PRELID2: variants seen among roughly 807,000 people sequenced by gnomAD.
The protein encoded by PRELID2 is PRELI domain-containing protein 2.
Under a neutral mutation model 28.4 loss-of-function variants are expected in PRELID2, and 25 were observed. The observed-to-expected ratio is 0.88, with a 90% confidence interval of 0.64 to 1.23. PRELID2 has a LOEUF of 1.23. PRELID2 is among the 50% of genes most tolerant of loss of function. PRELID2 has a pLI of 0.00. For synonymous variants in PRELID2, 76 were observed against 71.6 expected (o/e 1.06, Z -0.31); for missense variants, 201 against 214.4 (o/e 0.94, Z 0.39).
rs79927776 is a variant in PRELID2 at position 145,662,804 on chromosome 5, G to A, written n.70+102127C>T. ...CAGCAAAAAGGCTCTTACGAGATGC[G>A]GCCCCTCACCCTTTGACTTCTCAGC... On this transcript the variant is annotated intron_variant and non_coding_transcript_variant, in intron 1 of 2. Coordinates refer to the PRELID2 transcript ENST00000510259. Among the ~76,000 whole-genome samples the A allele has an allele frequency of 7.1e-3, 1,073 of 151,968 alleles. 5 individuals carry two copies. The highest frequency in any genetic ancestry group is 0.061 in the Middle Eastern group (18 of 294).
At chr5:145,597,825 G>C (rs1275645628) in intron 1 of PRELID2, among the ~76,000 whole-genome samples, 1 of 152,154 alleles carries the variant, frequency 6.6e-6, no homozygotes. Context: ...TATTCATCCA[G>C]TAATTACTTT....
chr5:145,582,673 T>C (rs966378548), intron 1 of PRELID2, among the ~76,000 whole-genome samples: 7 of 152,032 alleles, frequency 4.6e-5, no homozygotes, highest in Admixed American at 3.3e-4. Flanking sequence ...AACACCTCTA[T>C]GCACAGAAAC....
chr5:145,345,285 GCT>G, the PRELID2 span, among the ~76,000 whole-genome samples: 2 of 151,792 alleles, frequency 1.3e-5, no homozygotes, highest in South Asian at 4.2e-4. Context: ...CTCTCTTCAA[GCT>G]CAAGAAAGTA....
the PRELID2 span, among the ~76,000 whole-genome samples, chr5:145,273,078 C>A: frequency 6.6e-6 from 1 of 152,034 alleles, no homozygotes; most frequent in Non-Finnish European, 1.5e-5. Flanking sequence ...TGGACAATAT[C>A]CTACATTATC....
At chr5:145,373,400 T>C in the PRELID2 span, among the ~76,000 whole-genome samples, 1 of 76,470 alleles carries the variant, frequency 1.3e-5, no homozygotes, top group African/African-American at 5.0e-5. Context: ...ATATATGATA[T>C]TATATATTAC....
chr5:145,513,131 A>T (rs745819677), intron 1 of PRELID2, among the ~76,000 whole-genome samples: 1 of 152,052 alleles, frequency 6.6e-6, no homozygotes, highest in Non-Finnish European at 1.5e-5. Context: ...CTGGACGGAG[A>T]ACGAATTTGA....
intron 5 of PRELID2, chr5:145,795,672 G>A (rs532075381): frequency 3.0e-4 from 45 of 152,180 alleles, no homozygotes; most frequent in African/African-American, 8.9e-4. Flanking sequence ...AATTATCATC[G>A]TAATTAATAA....
intron 1 of PRELID2, among the ~76,000 whole-genome samples, chr5:145,707,131 T>C (rs532097059): frequency 9.8e-4 from 150 of 152,368 alleles, no homozygotes; most frequent in African/African-American, 3.6e-3. Context: ...TTATTTTTCT[T>C]TTAATCTCCA....
chr5:145,352,157 G>A, the PRELID2 span, among the ~76,000 whole-genome samples: 6 of 152,286 alleles, frequency 3.9e-5, no homozygotes, highest in African/African-American at 1.4e-4. Flanking sequence ...ATACCACAGT[G>A]GGGACTATAT....
chr5:145,729,219 G>T, intron 1 of PRELID2: 1 of 820,280 alleles, frequency 1.2e-6, no homozygotes, highest in Non-Finnish European at 2.1e-6. Context: ...ATGCCAGAAT[G>T]CCCTGAATCT....
At chr5:145,658,162 T>G (rs1046486651) in intron 1 of PRELID2, among the ~76,000 whole-genome samples, 2 of 152,172 alleles carry the variant, frequency 1.3e-5, no homozygotes, top group African/African-American at 2.4e-5. Context: ...TAAAATCATC[T>G]CCTTTTATTA....
chr5:145,293,387 G>A, the PRELID2 span, among the ~76,000 whole-genome samples: 1 of 152,162 alleles, frequency 6.6e-6, no homozygotes, highest in Non-Finnish European at 1.5e-5. Flanking sequence ...CTAATGTGAA[G>A]TACTTGGCAT....
intron 1 of PRELID2, among the ~76,000 whole-genome samples, chr5:145,657,998 C>A (rs954556239): frequency 7.9e-5 from 12 of 152,130 alleles, no homozygotes; most frequent in African/African-American, 2.9e-4. Context: ...TCATAGATGT[C>A]ATATAACTTA....
chr5:145,557,843 T>C (rs1237025485), intron 1 of PRELID2, among the ~76,000 whole-genome samples: 1 of 152,190 alleles, frequency 6.6e-6, no homozygotes, highest in Non-Finnish European at 1.5e-5. Flanking sequence ...ACTCTATACT[T>C]TTATCTACTA....
chr5:145,325,362 T>A, the PRELID2 span, among the ~76,000 whole-genome samples: 1 of 152,210 alleles, frequency 6.6e-6, no homozygotes, highest in Non-Finnish European at 1.5e-5. Flanking sequence ...CCTCCCTCTC[T>A]TATTGCAAAC....
chr5:145,278,494 A>G, the PRELID2 span, among the ~76,000 whole-genome samples: 1 of 152,156 alleles, frequency 6.6e-6, no homozygotes, highest in Non-Finnish European at 1.5e-5. Context: ...TTAAGCAGAC[A>G]TCACTTTCAG....
chr5:145,406,293 T>C, the PRELID2 span, among the ~76,000 whole-genome samples: 1 of 152,198 alleles, frequency 6.6e-6, no homozygotes, highest in Admixed American at 6.5e-5. Context: ...ATGAAGTTAG[T>C]CTTTTACCCT....
rs142335717 is a variant in PRELID2 at position 145,713,060 on chromosome 5, G to A, written n.70+51871C>T. Among the ~76,000 whole-genome samples the A allele has an allele frequency of 8.0e-4, 121 of 151,688 alleles. No individual in the cohort carries two copies. In the Middle Eastern group the frequency reaches 0.01, roughly 13 times the overall value. ...AAGAGAAGAACAACATAGAACTGCGGGACAATATTAGATTAACAAACATAT... is the reference window on the plus strand; with the variant it reads ...AAGAGAAGAACAACATAGAACTGCGAGACAATATTAGATTAACAAACATAT... On this transcript the variant is annotated intron_variant and non_coding_transcript_variant, in intron 1 of 2. Coordinates refer to the PRELID2 transcript ENST00000510259.
At chr5:145,691,500 T>C (rs1755148973) in intron 1 of PRELID2, among the ~76,000 whole-genome samples, 1 of 151,998 alleles carries the variant, frequency 6.6e-6, no homozygotes, top group South Asian at 2.1e-4. Context: ...GGTCAGGAGA[T>C]CGAGACCATC....
Sources: gnomAD v4.1 joint callset for allele counts (sites outside exome capture counted in the v4.1 genomes callset) on GRCh38, gnomAD v4.1.1 for gene constraint, MANE v1.5 for transcripts, NCBI Gene and HGNC (gene_info 2026-07-23, HGNC 2026-07-21) for gene names.